Variants in VPS13D observed in about 807,000 individuals in gnomAD.
The protein encoded by VPS13D is vacuolar protein sorting 13 homolog D.
A neutral mutation model predicts 461.9 loss-of-function variants in VPS13D; 187 were observed. The ratio of observed to expected loss-of-function variants is 0.40; its 90% confidence interval spans 0.36 to 0.46. VPS13D has a LOEUF of 0.46. Ranked by LOEUF, VPS13D falls within the 20% of genes least tolerant of loss-of-function variation. The probability of loss-of-function intolerance (pLI) is 0.60; values close to 1 mark genes in which losing one functional copy is unlikely to be tolerated. For synonymous variants in VPS13D, 1,951 were observed against 1,986.3 expected, an observed-to-expected ratio of 0.98 and a Z score of 0.47; for missense variants, 4,711 against 5,364.9, an observed-to-expected ratio of 0.88 and a Z score of 3.81.
chr1:12,400,957 C>T (rs529857431), intron 61 of VPS13D, among the ~76,000 whole-genome samples: 138 of 85,798 alleles, frequency 1.6e-3, no homozygotes, highest in African/African-American at 6.4e-3. Flanking sequence ...TGCACCTGCG[C>T]GCGCGCACAC....
intron 35 of VPS13D, among the ~76,000 whole-genome samples, chr1:12,326,775 C>T (rs1280434218): frequency 6.6e-6 from 1 of 151,982 alleles, no homozygotes; most frequent in Non-Finnish European, 1.5e-5. Flanking sequence ...TCCCAAGTAT[C>T]TGGGATTACA....
chr1:12,493,413 G>C (rs1311372498), intron 67 of VPS13D, among the ~76,000 whole-genome samples: 1 of 150,876 alleles, frequency 6.6e-6, no homozygotes, highest in Non-Finnish European at 1.5e-5. Flanking sequence ...AACCTGGGAG[G>C]CAGAGCTTGC....
rs777506804 is a variant in VPS13D, at chr1:12,276,786, T to G, written c.3198T>G (p.Val1066=). 83 of 1,614,204 alleles carry G rather than the reference T, an allele frequency of 5.1e-5. No individual in the cohort carries two copies. Among genetic ancestry groups the G allele is most frequent in the Non-Finnish European group, 6.7e-5 (79 of 1,180,028 alleles). Residue 1066 remains valine (V), a synonymous_variant, in exon 19 of 70, where the codon GTT becomes GTG. Transcript: ENST00000620676. The surrounding 1 kb of genome is among the most constrained non-coding windows in gnomAD (Gnocchi z 4.5). ...ATLNDRSATS[V]SLDKILTKEQ... The stretch of plus-strand genomic sequence containing the variant: ...TGAACGACCGATCAGCTACTAGTGT[T>G]TCACTTGACAAAATTCTTACCAAAG...
intron 19 of VPS13D, 67 bp downstream of exon 19, chr1:12,278,105 G>T: frequency 6.9e-7 from 1 of 1,443,668 alleles, no homozygotes; most frequent in Non-Finnish European, 9.3e-7. Context: ...GGAGTCCTTT[G>T]CGTAAAACAG....
intron 60 of VPS13D, among the ~76,000 whole-genome samples, chr1:12,394,821 A>C (rs1054854492): frequency 6.6e-6 from 1 of 152,126 alleles, no homozygotes; most frequent in Non-Finnish European, 1.5e-5. Context: ...TAAATAAACT[A>C]TTAGAACCTT....
At chr1:12,273,219 A>G in intron 18 of VPS13D, 84 bp downstream of exon 18, 10 of 1,465,504 alleles carry the variant, frequency 6.8e-6, no homozygotes, top group Non-Finnish European at 9.1e-6. Flanking sequence ...GCTTAATAAA[A>G]TGTTTATGTA....
Position 12,354,036 on chromosome 1 carries a change from A to G in VPS13D, c.9494A>G (p.Asp3165Gly), listed in dbSNP as rs2101599446. The change falls in exon 47 of 70, where the codon GAC becomes GGC. Residue 3165 changes from aspartate (D) to glycine (G), a missense_variant. Coordinates refer to ENST00000620676, the MANE Select transcript of VPS13D (RefSeq NM_015378.4). ...TATATGCCCTCAAACATATTTTCTG[A>G]CAGTGCAAAACAGATTTTCAGACAG... ...PDYMPSNIFS[D>G]SAKQIFRQPG... is the part of the protein sequence containing the mutation. 6.2e-7 allele frequency: 1 copy of G among 1,614,214 alleles called. No homozygotes were observed.
intron 37 of VPS13D, among the ~76,000 whole-genome samples, chr1:12,331,932 G>A (rs1643344076): frequency 6.6e-6 from 1 of 152,166 alleles, no homozygotes. Context: ...GATTTGTTCA[G>A]TGGCTGATTG....
chr1:12,370,968 A>G (rs1464314422), intron 54 of VPS13D, among the ~76,000 whole-genome samples: 1 of 152,240 alleles, frequency 6.6e-6, no homozygotes, highest in Admixed American at 6.5e-5. Flanking sequence ...TAAGAGGTTG[A>G]ACCATCTTTT....
intron 1 of VPS13D, among the ~76,000 whole-genome samples, chr1:12,231,320 G>T (rs1198588076): frequency 6.6e-6 from 1 of 152,238 alleles, no homozygotes; most frequent in Non-Finnish European, 1.5e-5. Context: ...GGGAATCCTT[G>T]AAGTGGCCTC....
At chr1:12,258,642 C>G (rs1414458866) in intron 10 of VPS13D, among the ~76,000 whole-genome samples, 1 of 152,236 alleles carries the variant, frequency 6.6e-6, no homozygotes, top group Non-Finnish European at 1.5e-5. Context: ...GGACCCCACC[C>G]CTTCTCTAGC....
At chr1:12,474,952 T>A (rs75459603) in intron 67 of VPS13D, among the ~76,000 whole-genome samples, 1 of 146,768 alleles carries the variant, frequency 6.8e-6, no homozygotes, top group Non-Finnish European at 1.5e-5. Context: ...CTAATGCAGA[T>A]TTTTTTTTTT....
chr1:12,379,678 T>C (rs1057283472), intron 57 of VPS13D, 82 bp downstream of exon 57: 1 of 986,484 alleles, frequency 1.0e-6, no homozygotes, highest in African/African-American at 1.6e-5. Context: ...TTATACATGA[T>C]GAATTGTTCA....
At position 12,433,949 on chromosome 1, in the gene VPS13D, A is replaced by T. The variant is rs865949612; in HGVS notation, c.12333+17122A>T. ...GAGAGAGTGAGAGAGAGAGAGAGAGAGTGTGTGTGTGTGTGTGTGTGGAGG... is the reference window on the plus strand; with the variant it reads ...GAGAGAGTGAGAGAGAGAGAGAGAGTGTGTGTGTGTGTGTGTGTGTGGAGG... On this transcript the variant is annotated intron_variant, in intron 65 of 69. Transcript: ENST00000620676. 8.8e-4 allele frequency among the ~76,000 whole-genome samples: 127 copies of T among 145,002 alleles called. No individual in the cohort carries two copies. In the East Asian group the frequency reaches 9.4e-3, roughly 11 times the overall value.
At position 12,321,997 on chromosome 1, in the gene VPS13D, A is replaced by G. The variant is rs1643050848; in HGVS notation, c.7704+33A>G. On this transcript the variant is annotated intron_variant, in intron 33 of 69. Transcript: ENST00000620676. Reference sequence around the variant, plus strand: ...TGCAAAATCTGTGCAATACGTTGATATGCTCTCAAACACTGTCCTATGCAG... The same window carrying G: ...TGCAAAATCTGTGCAATACGTTGATGTGCTCTCAAACACTGTCCTATGCAG... 4 of 1,611,006 alleles carry G rather than the reference A, an allele frequency of 2.5e-6. No individual in the cohort carries two copies. The South Asian group carries it at 4.4e-5, about 18-fold the overall frequency.
At chr1:12,307,177 T>G (rs543087449) in intron 26 of VPS13D, among the ~76,000 whole-genome samples, 3 of 152,356 alleles carry the variant, frequency 2.0e-5, no homozygotes, top group Admixed American at 2.0e-4. Flanking sequence ...AACATGCTGT[T>G]AGACATGGCT....
chr1:12,258,251 G>A (rs937796480), intron 10 of VPS13D, 148 bp downstream of exon 10: 9 of 1,019,608 alleles, frequency 8.8e-6, no homozygotes, highest in Non-Finnish European at 1.3e-5. Context: ...TTAGTAGAGT[G>A]AGAACTAAGC....
At chr1:12,310,598 T>A (rs1642708331) in intron 27 of VPS13D, among the ~76,000 whole-genome samples, 1 of 152,224 alleles carries the variant, frequency 6.6e-6, no homozygotes, top group African/African-American at 2.4e-5. Flanking sequence ...CACTGGTGTT[T>A]GCCTTTAGTT....
chr1:12,369,889 T>G (rs1435786479), intron 54 of VPS13D, among the ~76,000 whole-genome samples, 187 bp downstream of exon 54: 1 of 152,242 alleles, frequency 6.6e-6, no homozygotes, highest in East Asian at 1.9e-4. Context: ...TTGGCTAGAT[T>G]AAAATTTATC....
Sources: gnomAD v4.1 joint callset for allele counts (sites outside exome capture counted in the v4.1 genomes callset) on GRCh38, gnomAD v4.1.1 for gene constraint, Gnocchi (gnomAD v3.1) non-coding constraint, MANE v1.5 for transcripts, NCBI Gene and HGNC (gene_info 2026-07-23, HGNC 2026-07-21) for gene names.